Variants in INPP5D observed in about 807,000 individuals in gnomAD.
INPP5D encodes the protein inositol polyphosphate-5-phosphatase D.
INPP5D carries 33 observed loss-of-function variants against 122.9 expected under a neutral mutation model. That is an observed-to-expected ratio of 0.27 (90% CI 0.20 to 0.36). The LOEUF (loss-of-function observed/expected upper bound fraction) is 0.36. Among genes scored for constraint, INPP5D ranks in the 10% least tolerant of loss-of-function variants. The pLI is 1.00. For missense variants in INPP5D, 1,053 were observed against 1,412.7 expected, an observed-to-expected ratio of 0.75 and a Z score of 4.08; for synonymous variants, 584 against 576.2, an observed-to-expected ratio of 1.01 and a Z score of -0.19.
At chr2:233,198,479 G>T in intron 25 of INPP5D, 103 bp downstream of exon 25, 1 of 1,460,344 alleles carries the variant, frequency 6.8e-7, no homozygotes, top group Non-Finnish European at 9.0e-7. Flanking sequence ...GCCACAATTT[G>T]TGTCCACTTG....
intron 22 of INPP5D, among the ~76,000 whole-genome samples, chr2:233,191,801 C>T (rs1292072862): frequency 6.6e-6 from 1 of 152,128 alleles, no homozygotes; most frequent in Non-Finnish European, 1.5e-5. Context: ...GCACATTTAT[C>T]CACGTGCTTA....
intron 2 of INPP5D, among the ~76,000 whole-genome samples, chr2:233,121,068 G>A (rs535437745): frequency 5.3e-5 from 8 of 150,376 alleles, no homozygotes; most frequent in Non-Finnish European, 8.9e-5. Context: ...CTGGAAAATA[G>A]GTATCTTGGG....
In INPP5D at chr2:233,137,482, C is replaced by T. The variant is rs1186602468; in HGVS notation, c.666-2360C>T. ...TTTTTTTTTTTTTATGAGATGGTGG[C>T]GTCTCCCTCTGTTCCCCAGGCTGGG... On this transcript the variant is annotated intron_variant, in intron 5 of 26. Coordinates refer to ENST00000445964, the MANE Select transcript of INPP5D (RefSeq NM_001017915.3). 5.0e-5 allele frequency among the ~76,000 whole-genome samples: 7 copies of T among 140,836 alleles called. No homozygotes were observed. The South Asian group carries it at 1.3e-3, about 27-fold the overall frequency. The allele number at this position is 140,836 out of a possible 152,430, so 92.4% of individuals were successfully genotyped here.
At chr2:233,085,611 C>T (rs1691810171) in intron 2 of INPP5D, among the ~76,000 whole-genome samples, 1 of 152,152 alleles carries the variant, frequency 6.6e-6, no homozygotes, top group Non-Finnish European at 1.5e-5. Context: ...AAAGACCTTT[C>T]TTCTGTTAGG....
chr2:233,168,061 A>G (rs1028347468), intron 13 of INPP5D, among the ~76,000 whole-genome samples: 1 of 151,538 alleles, frequency 6.6e-6, no homozygotes, highest in Admixed American at 6.6e-5. Context: ...TGGGAGCCAA[A>G]TAGATCATAA....
chr2:233,148,792 G>A (rs554731578), intron 9 of INPP5D, among the ~76,000 whole-genome samples: 2 of 151,912 alleles, frequency 1.3e-5, no homozygotes, highest in South Asian at 2.1e-4. Flanking sequence ...ACAACAGTTT[G>A]CATCCCATGT....
chr2:233,120,733 G>C (rs545585764), intron 2 of INPP5D: 1 of 152,524 alleles, frequency 6.6e-6, no homozygotes, highest in Non-Finnish European at 1.5e-5. Flanking sequence ...GGTGGGGCTG[G>C]CTGCTCAGGG....
chr2:233,148,573 T>C (rs939482435), intron 9 of INPP5D, among the ~76,000 whole-genome samples: 2 of 151,334 alleles, frequency 1.3e-5, no homozygotes, highest in African/African-American at 4.9e-5. Flanking sequence ...GGCAGGGGGG[T>C]AGGCAATGCC....
chr2:233,113,647 C>T (rs1260710275), intron 2 of INPP5D, among the ~76,000 whole-genome samples: 2 of 152,090 alleles, frequency 1.3e-5, no homozygotes, highest in Non-Finnish European at 2.9e-5. Flanking sequence ...CAACATCAAC[C>T]AAGTTACTGC....
At chr2:233,101,586 A>G (rs1002989119) in intron 2 of INPP5D, among the ~76,000 whole-genome samples, 65 of 146,714 alleles carry the variant, frequency 4.4e-4, no homozygotes, top group African/African-American at 1.6e-3. Context: ...TAACATTATT[A>G]AAATCAATTA....
intron 2 of INPP5D, among the ~76,000 whole-genome samples, chr2:233,098,680 C>T (rs1692217313): frequency 6.6e-6 from 1 of 152,164 alleles, no homozygotes; most frequent in Non-Finnish European, 1.5e-5. Flanking sequence ...CCCCTCTTAA[C>T]CCCAGGCCAT....
In INPP5D at chr2:233,189,990, C is replaced by A. The variant is rs966706282; in HGVS notation, c.2446+53C>A. The A allele has an allele frequency of 1.3e-6, 2 of 1,597,866 alleles. No homozygotes were observed. The highest frequency in any genetic ancestry group is 1.3e-5 in the African/African-American group (1 of 74,496). On this transcript the variant is annotated intron_variant, in intron 22 of 26. Transcript: ENST00000445964. This position sits in a 1 kb window ranked among gnomAD's most constrained non-coding sequence, Gnocchi z 5.6. Reference sequence around the variant, plus strand: ...CTGCCTGTGAACTGGCGGCCTCTGACGTAGCATTGCCTTCAGGGGAGCTCA... The same window carrying A: ...CTGCCTGTGAACTGGCGGCCTCTGAAGTAGCATTGCCTTCAGGGGAGCTCA...
At chr2:233,070,897 T>C (rs1691362962) in intron 1 of INPP5D, among the ~76,000 whole-genome samples, 2 of 152,198 alleles carry the variant, frequency 1.3e-5, no homozygotes, top group African/African-American at 2.4e-5. Context: ...GAAGCAGTTA[T>C]GGGTTTTTTA....
rs913601708 is a variant in INPP5D at position 233,160,889 on chromosome 2, C to T, written c.1138-835C>T. On this transcript the variant is annotated intron_variant, in intron 10 of 26. Coordinates refer to ENST00000445964, the MANE Select transcript of INPP5D (RefSeq NM_001017915.3). This position sits in a 1 kb window ranked among gnomAD's most constrained non-coding sequence, Gnocchi z 4.2. ...GGATCAAACAATCCTTCTGCCTCAG[C>T]CTCCCAAAGTCCTGGGATTACAGGC... 1.6e-4 allele frequency among the ~76,000 whole-genome samples: 25 copies of T among 152,182 alleles called. No individual in the cohort carries two copies. The highest frequency in any genetic ancestry group is 3.1e-4 in the Non-Finnish European group (21 of 68,032).
chr2:233,120,461 G>A (rs1203816401), intron 2 of INPP5D: 1 of 152,342 alleles, frequency 6.6e-6, no homozygotes, highest in Non-Finnish European at 1.5e-5. Flanking sequence ...TCCAGCCTGG[G>A]CAACAGAGTG....
At chr2:233,161,849 T>G (rs1303426825) in intron 11 of INPP5D, 23 bp downstream of exon 11, 1 of 1,603,268 alleles carries the variant, frequency 6.2e-7, no homozygotes. Flanking sequence ...GCCCCCTCCC[T>G]GCAGTCACCC....
Position 233,207,603 on chromosome 2 carries a change from G to A in INPP5D, c.*895G>A, listed in dbSNP as rs965928180. The A allele has an allele frequency of 6.6e-6, 1 of 152,388 alleles. No individual in the cohort carries two copies. Among genetic ancestry groups the A allele is most frequent in the African/African-American group, 2.4e-5 (1 of 41,470 alleles). 9.4% of individuals were successfully genotyped at this position (152,388 alleles called of 1,614,324 possible). On this transcript the variant is annotated 3_prime_UTR_variant, in exon 27 of 27. Transcript: ENST00000445964. This position sits in a 1 kb window ranked among gnomAD's most constrained non-coding sequence, Gnocchi z 4.6. ...TGTATTCCATCGTGCTGGTAGAAGA[G>A]TCTTTGCTGTTGCTCCCGAAAGCCG...
rs66533229 is a variant in INPP5D, at chr2:233,065,580, CTTCTTTCTTTCTTTCTTTCTTTCTTTCT to C, written c.134+5015_134+5042del. Among the ~76,000 whole-genome samples the C allele has an allele frequency of 2.3e-4, 3 of 13,262 alleles. 1 individual carries two copies. The highest frequency in any genetic ancestry group is 5.1e-4 in the Admixed American group (1 of 1,968). The allele number at this position is 13,262 out of a possible 152,430, so 8.7% of individuals were successfully genotyped here. The stretch of plus-strand genomic sequence containing the variant: ...CCCAGCCTTTTTCTTTCTTTCTTTC[CTTCTTTCTTTCTTTCTTTCTTTCTTTCT>C]TTCTTTCTTTCTTTCTTTCTTTCTT... On this transcript the variant is annotated intron_variant, in intron 1 of 26. Transcript: ENST00000445964.
intron 4 of INPP5D, among the ~76,000 whole-genome samples, chr2:233,129,150 G>C (rs1693248934): frequency 6.6e-6 from 1 of 151,854 alleles, no homozygotes; most frequent in Non-Finnish European, 1.5e-5. Flanking sequence ...CAGGTGACAG[G>C]GTGAGACCCT....
Sources: allele counts gnomAD v4.1 joint callset (sites outside exome capture counted in the v4.1 genomes callset), GRCh38; gene constraint gnomAD v4.1.1; non-coding constraint Gnocchi (gnomAD v3.1); transcripts MANE v1.5; gene names NCBI Gene and HGNC (gene_info 2026-07-23, HGNC 2026-07-21).